The following TRIP4 variants were observed in gnomAD, a reference collection of about 807,000 sequenced individuals.
TRIP4 encodes the protein activating signal cointegrator 1.
In TRIP4, 54 loss-of-function variants were observed where a neutral mutation model predicts 81.8. The ratio of observed to expected loss-of-function variants is 0.66; its 90% CI spans 0.53 to 0.83. The LOEUF (loss-of-function observed/expected upper bound fraction) is 0.83, where lower values mean the gene tolerates loss of function less well. Among genes scored for constraint, TRIP4 ranks in the 40% least tolerant of loss-of-function variants. The pLI is 0.00. For missense variants in TRIP4, 662 were observed against 683.6 expected (o/e 0.97, Z 0.35); for synonymous variants, 270 against 242.8 (o/e 1.11, Z -1.04).
intron 9 of TRIP4, among the ~76,000 whole-genome samples, chr15:64,420,585 G>A (rs761077717): frequency 6.7e-6 from 1 of 149,604 alleles, no homozygotes; most frequent in Non-Finnish European, 1.5e-5. Context: ...GTGCAGTGGC[G>A]TGATCTCAGC....
chr15:64,388,150 C>A, intron 1 of TRIP4, 186 bp downstream of exon 1: 1 of 1,068,748 alleles, frequency 9.4e-7, no homozygotes, highest in Non-Finnish European at 1.2e-6. Flanking sequence ...GGGTGTCCGG[C>A]TCCACAGTCT....
At position 64,418,400 on chromosome 15, in the gene TRIP4, C is replaced by T. The variant is rs554224680; in HGVS notation, c.1171-141C>T. ...GTGCTGGGATTACAGGCGTGAGCCA[C>T]GATGCCCGGCCTGGGATATATTTTT... On this transcript the variant is annotated intron_variant, in intron 8 of 12. Transcript: ENST00000261884. The T allele has an allele frequency of 1.7e-4, 169 of 970,518 alleles. No individual in the cohort carries two copies. The African/African-American group carries it at 2.0e-3, about 12-fold the overall frequency. 60.1% of individuals were successfully genotyped at this position (970,518 alleles called of 1,614,324 possible).
intron 11 of TRIP4, among the ~76,000 whole-genome samples, chr15:64,427,309 C>T (rs1194124833): frequency 6.6e-6 from 1 of 152,136 alleles, no homozygotes; most frequent in Non-Finnish European, 1.5e-5. Flanking sequence ...ACTTACTTAC[C>T]TTTCATTACT....
chr15:64,444,937 A>C, intron 11 of TRIP4, 69 bp from the exon 12 acceptor site: 1 of 801,602 alleles, frequency 1.2e-6, no homozygotes, highest in Non-Finnish European at 2.1e-6. Flanking sequence ...AATCTGGGAC[A>C]TCTTCTGTTC....
chr15:64,455,102 T>G lies in TRIP4; in HGVS notation c.*38T>G. 6.3e-7 allele frequency: 1 copy of G among 1,594,782 alleles called. No homozygotes were observed. Among genetic ancestry groups the G allele is most frequent in the East Asian group, 2.2e-5 (1 of 44,718 alleles). ...GGAACTATACAGCATAGTGGAGTTT[T>G]GTGTACTAAAATTGCTATCTACTGG... is the stretch of plus-strand genomic sequence containing the variant. On this transcript the variant is annotated 3_prime_UTR_variant, in exon 13 of 13. Coordinates refer to ENST00000261884, the MANE Select transcript of TRIP4 (RefSeq NM_016213.5).
At chr15:64,403,202 G>T (rs1466446540) in intron 5 of TRIP4, among the ~76,000 whole-genome samples, 1 of 151,442 alleles carries the variant, frequency 6.6e-6, no homozygotes, top group Non-Finnish European at 1.5e-5. Context: ...TTTCGCCCGG[G>T]CTGGAGTGCA....
At chr15:64,414,352 G>GTA in intron 8 of TRIP4, 141 bp downstream of exon 8, 3 of 1,125,952 alleles carry the variant, frequency 2.7e-6, no homozygotes, top group Middle Eastern at 2.1e-4. Flanking sequence ...CAACACACCT[G>GTA]CCAACCTTAT....
intron 9 of TRIP4, among the ~76,000 whole-genome samples, chr15:64,422,028 C>CA (rs11409306): frequency 0.12 from 12,655 of 105,756 alleles, 1,041 homozygotes; most frequent in African/African-American, 0.28. Context: ...GACTCAGTCT[C>CA]AAAAAAAAAA....
At chr15:64,406,698 A>G (rs1356832368) in intron 6 of TRIP4, among the ~76,000 whole-genome samples, 3 of 152,174 alleles carry the variant, frequency 2.0e-5, no homozygotes, top group African/African-American at 4.8e-5. Context: ...AAATGTTAGT[A>G]TATCCCCTGG....
At chr15:64,426,772 G>A (rs1184441788) in intron 11 of TRIP4, among the ~76,000 whole-genome samples, 8 of 151,584 alleles carry the variant, frequency 5.3e-5, no homozygotes, top group Non-Finnish European at 8.8e-5. Context: ...AGGCCAAGGC[G>A]GGCAGATCAT....
chr15:64,418,715 A>T lies in TRIP4; in HGVS notation c.1345A>T (p.Arg449Ter). The T allele has an allele frequency of 6.2e-7, 1 of 1,611,466 alleles. No homozygotes were observed. The highest frequency in any genetic ancestry group is 8.5e-7 in the Non-Finnish European group (1 of 1,179,064). ...TCAGCCCTGGGCTTCTCTGCTTGTC[A>T]GAGGGATTAAAAGGTAAGAATAAAA... is the stretch of plus-strand genomic sequence containing the variant. ...VHQPWASLLVRGIKRVEGRSW... is the reference protein window; with the variant it reads ...VHQPWASLLV The change falls in exon 9 of 13, where the codon AGA becomes TGA. Residue 449 changes from arginine to a stop codon, truncating the protein, a stop_gained. Transcript: ENST00000261884. LOFTEE classifies it high-confidence loss of function.
At chr15:64,408,152 G>C (rs547689652) in intron 6 of TRIP4, among the ~76,000 whole-genome samples, 1 of 104,088 alleles carries the variant, frequency 9.6e-6, no homozygotes, top group East Asian at 3.2e-4. Context: ...CTCTAAGTCT[G>C]CTTTATTTTT....
chr15:64,437,015 C>T (rs1264087305), intron 11 of TRIP4, among the ~76,000 whole-genome samples: 7 of 151,424 alleles, frequency 4.6e-5, no homozygotes, highest in Admixed American at 1.3e-4. Context: ...CCTAGGTGAC[C>T]GTCTATGTCT....
At chr15:64,400,622 C>A in intron 4 of TRIP4, 121 bp from the exon 5 acceptor site, 3 of 700,402 alleles carry the variant, frequency 4.3e-6, no homozygotes, top group Middle Eastern at 2.9e-4. Flanking sequence ...GATTAAAAAA[C>A]ACCAATAGTC....
Position 64,418,675 on chromosome 15 carries a change from G to A in TRIP4, c.1305G>A (p.Trp435Ter). The A allele has an allele frequency of 6.2e-7, 1 of 1,614,038 alleles. No homozygotes were observed. Among genetic ancestry groups the A allele is most frequent in the South Asian group, 1.1e-5 (1 of 91,068 alleles). Residue 435 changes from tryptophan (W) to a stop codon, truncating the protein, a stop_gained, in exon 9 of 13, where the codon TGG becomes TGA. Transcript: ENST00000261884. LOFTEE classifies it high-confidence loss of function. ...QEFQEGFDGG[W>*]CLSVHQPWAS... ...TTCAGGAAGGCTTTGATGGTGGCTG[G>A]TGCCTCTCTGTACATCAGCCCTGGG...
intron 12 of TRIP4, among the ~76,000 whole-genome samples, chr15:64,448,093 TACTGGTGGCAAC>T (rs1217959091): frequency 6.6e-6 from 1 of 152,186 alleles, no homozygotes; most frequent in East Asian, 1.9e-4. Flanking sequence ...TTCCTCTAGG[TACTGGTGGCAAC>T]ACTGGTGGTA....
chr15:64,423,861 A>G (rs545500942), intron 9 of TRIP4, among the ~76,000 whole-genome samples, 170 bp from the exon 10 acceptor site: 109 of 152,284 alleles, frequency 7.2e-4, no homozygotes, highest in African/African-American at 2.4e-3. Context: ...TCAAGTGAAA[A>G]GTATTGTGAG....
chr15:64,449,730 A>G (rs939671801), intron 12 of TRIP4, among the ~76,000 whole-genome samples: 3 of 152,204 alleles, frequency 2.0e-5, no homozygotes, highest in Non-Finnish European at 4.4e-5. Context: ...AGCAATATAC[A>G]ATAGGGTATC....
chr15:64,409,438 C>G (rs890208139), intron 6 of TRIP4, among the ~76,000 whole-genome samples, 175 bp from the exon 7 acceptor site: 3 of 152,088 alleles, frequency 2.0e-5, no homozygotes, highest in Non-Finnish European at 4.4e-5. Flanking sequence ...CTTTTCTTGC[C>G]TGAGGTTGAG....
Sources: allele counts gnomAD v4.1 joint callset (sites outside exome capture counted in the v4.1 genomes callset), GRCh38; gene constraint gnomAD v4.1.1; transcripts MANE v1.5; gene names NCBI Gene and HGNC (gene_info 2026-07-23, HGNC 2026-07-21).